Variants in CD300E observed in about 807,000 individuals in gnomAD.
CD300E encodes CD300e molecule.
CD300E carries 14 observed loss-of-function variants against 20.9 expected under a neutral mutation model. That is an observed-to-expected ratio of 0.67 (90% CI 0.44 to 1.05). The LOEUF (loss-of-function observed/expected upper bound fraction) is 1.05. CD300E is among the 50% of genes least tolerant of loss of function. CD300E has a pLI of 0.00. For missense variants in CD300E, 237 were observed against 253.9 expected, an observed-to-expected ratio of 0.93 and a Z score of 0.45; for synonymous variants, 102 against 103.7, an observed-to-expected ratio of 0.98 and a Z score of 0.10.
Position 74,611,429 on chromosome 17 carries a change from T to G in CD300E, c.*1224A>C, listed in dbSNP as rs1045966279. 5 of 152,364 alleles carry G rather than the reference T, an allele frequency of 3.3e-5. No homozygotes were observed. The highest frequency in any genetic ancestry group is 1.2e-4 in the African/African-American group (5 of 41,454). 9.4% of individuals were successfully genotyped at this position (152,364 alleles called of 1,614,324 possible). ...TGTAGGTAGCAAGTGGAGATGGTGA[T>G]GCTTGCTTGTGGCAGACTGTGGGAG... On this transcript the variant is annotated 3_prime_UTR_variant, in exon 4 of 4. Transcript: ENST00000392619.
chr17:74,611,531 G>C lies in CD300E; in HGVS notation c.*1122C>G, dbSNP rs1202749267. 1.3e-5 allele frequency: 2 copies of C among 152,268 alleles called. No homozygotes were observed. The highest frequency in any genetic ancestry group is 2.9e-5 in the Non-Finnish European group (2 of 68,066). 9.4% of individuals were successfully genotyped at this position (152,268 alleles called of 1,614,324 possible). ...CCAACTGAGCTCATTCCCGAGCCAG[G>C]GGTCACCAGTAGTGGTGATAGCACT... is the stretch of plus-strand genomic sequence containing the variant. On this transcript the variant is annotated 3_prime_UTR_variant, in exon 4 of 4. Coordinates refer to ENST00000392619, the MANE Select transcript of CD300E (RefSeq NM_181449.3).
chr17:74,614,078 G>T, intron 2 of CD300E, 45 bp from the exon 3 acceptor site: 2 of 1,428,164 alleles, frequency 1.4e-6, no homozygotes, highest in Non-Finnish European at 2.0e-6. Flanking sequence ...TGGGCTCCCA[G>T]CCATGCACAG....
chr17:74,613,265 G>A (rs1217522439), intron 3 of CD300E, among the ~76,000 whole-genome samples: 1 of 152,176 alleles, frequency 6.6e-6, no homozygotes, highest in East Asian at 1.9e-4. Flanking sequence ...ACCACACCTG[G>A]CTAATTTTGT....
rs2030923950 is a variant in CD300E, at chr17:74,617,295, C to T, written c.211G>A (p.Glu71Lys). Residue 71 changes from glutamate to lysine, a missense_variant, in exon 2 of 4, where the codon GAG becomes AAG. Coordinates refer to ENST00000392619, the MANE Select transcript of CD300E (RefSeq NM_181449.3). The part of the protein sequence containing the change: ...IVETKGEEKV[E>K]RNGRVSIRDH... Reference sequence around the variant, plus strand: ...CTGATGGACACGCGGCCATTCCTCTCCACCTTCTCTTCTCCCTTGGTCTCC... The same window carrying T: ...CTGATGGACACGCGGCCATTCCTCTTCACCTTCTCTTCTCCCTTGGTCTCC... The T allele has an allele frequency of 6.2e-7, 1 of 1,614,212 alleles. No individual in the cohort carries two copies. The highest frequency in any genetic ancestry group is 1.1e-5 in the South Asian group (1 of 91,084).
In CD300E at chr17:74,612,386, C is replaced by T. The variant is rs1321010996; in HGVS notation, c.*267G>A. On this transcript the variant is annotated 3_prime_UTR_variant, in exon 4 of 4. Transcript: ENST00000392619. Reference sequence around the variant, plus strand: ...GATTATAGGCACTCGCTATGGTGCCCGGCCAACTTCCAGGGAATTCTTGCC... The same window carrying T: ...GATTATAGGCACTCGCTATGGTGCCTGGCCAACTTCCAGGGAATTCTTGCC... 4 of 305,072 alleles carry T rather than the reference C, an allele frequency of 1.3e-5. No homozygotes were observed. Among genetic ancestry groups the T allele is most frequent in the Admixed American group, 4.5e-5 (1 of 22,296 alleles). The allele number at this position is 305,072 out of a possible 1,614,324, so 18.9% of individuals were successfully genotyped here.
chr17:74,621,443 T>C (rs60487698), intron 1 of CD300E, among the ~76,000 whole-genome samples: 1,540 of 152,334 alleles, frequency 0.01, 23 homozygotes, highest in African/African-American at 0.034. Context: ...AAAAGAAGGT[T>C]ATGCTAATTC....
At position 74,612,727 on chromosome 17, in the gene CD300E, G is replaced by T. The variant is rs947585061; in HGVS notation, c.544C>A (p.Leu182Met). The change falls in exon 4 of 4, where the codon CTG (leucine) becomes ATG (methionine). Residue 182 changes from leucine to methionine, a missense_variant. Transcript: ENST00000392619. ...CCCAGCATGCTCAGGAGCAGGGGCAGCTTCAGAAGGACCACGAGCAGGAAG... is the reference window on the plus strand; with the variant it reads ...CCCAGCATGCTCAGGAGCAGGGGCATCTTCAGAAGGACCACGAGCAGGAAG... ...PHFLLVVLLK[L>M]PLLLSMLGAV... The T allele has an allele frequency of 6.2e-7, 1 of 1,614,038 alleles. No individual in the cohort carries two copies. Among genetic ancestry groups the T allele is most frequent in the Non-Finnish European group, 8.5e-7 (1 of 1,179,990 alleles).
chr17:74,616,967 T>A, intron 2 of CD300E, 151 bp downstream of exon 2: 1 of 701,124 alleles, frequency 1.4e-6, no homozygotes, highest in Non-Finnish European at 2.4e-6. Flanking sequence ...ATCAGCCGCC[T>A]CTCTCCATGC....
rs763906744 is a variant in CD300E, at chr17:74,612,505, C to G, written c.*148G>C. The G allele has an allele frequency of 2.0e-5, 23 of 1,129,788 alleles. No homozygotes were observed. Among genetic ancestry groups the G allele is most frequent in the Non-Finnish European group, 2.7e-5 (22 of 801,478 alleles). 70.0% of individuals were successfully genotyped at this position (1,129,788 alleles called of 1,614,324 possible). A position where few individuals can be genotyped will look rare whatever the true frequency, so the allele number is the denominator to read the frequency against. On this transcript the variant is annotated 3_prime_UTR_variant, in exon 4 of 4. Coordinates refer to ENST00000392619, the MANE Select transcript of CD300E (RefSeq NM_181449.3). ...ACATTGAGGACTCCAGAGGAGTGTCCTCTAAGAGCCAGGACCCTCCTTTGA... is the reference window on the plus strand; with the variant it reads ...ACATTGAGGACTCCAGAGGAGTGTCGTCTAAGAGCCAGGACCCTCCTTTGA...
chr17:74,623,611 A>G lies in CD300E; in HGVS notation c.11T>C (p.Leu4Pro). The G allele has an allele frequency of 6.2e-7, 1 of 1,614,200 alleles. No homozygotes were observed. Among genetic ancestry groups the G allele is most frequent in the South Asian group, 1.1e-5 (1 of 91,082 alleles). The change falls in exon 1 of 4, where the codon CTC becomes CCC. Residue 4 changes from leucine to proline, a missense_variant. Physicochemically the swap from Leu to Pro is moderately conservative, Grantham distance 98 (BLOSUM62 -3). Transcript: ENST00000392619. MWL[L>P]PALLLLCLSG... ...GAGGCAGAGAAGGAGTAGAGCTGGG[A>G]GCAGCCACATGTTCCTGTCTCCTTG... is the stretch of plus-strand genomic sequence containing the variant.
chr17:74,623,630 C>T lies in CD300E; in HGVS notation c.-9G>A. On this transcript the variant is annotated 5_prime_UTR_variant, in exon 1 of 4. Transcript: ENST00000392619. ...GCTGGGAGCAGCCACATGTTCCTGT[C>T]TCCTTGGCTTCCGTCCTCAGCAAAT... 13 of 1,614,206 alleles carry T rather than the reference C, an allele frequency of 8.1e-6. No homozygotes were observed. Among genetic ancestry groups the T allele is most frequent in the Non-Finnish European group, 1.1e-5 (13 of 1,180,022 alleles).
chr17:74,611,239 C>T lies in CD300E; in HGVS notation c.*1414G>A, dbSNP rs763996896. The T allele has an allele frequency of 6.6e-6, 1 of 152,276 alleles. No homozygotes were observed. Among genetic ancestry groups the T allele is most frequent in the African/African-American group, 2.4e-5 (1 of 41,464 alleles). 9.4% of individuals were successfully genotyped at this position (152,276 alleles called of 1,614,324 possible). On this transcript the variant is annotated 3_prime_UTR_variant, in exon 4 of 4. Transcript: ENST00000392619. ...GCCAGCCCCATCTTTCCCCTAGTCA[C>T]CATGCATGATGGAGCTGGGAGCCCC...
Position 74,612,762 on chromosome 17 carries a change from C to G in CD300E, c.509G>C (p.Ser170Thr). ...GACCACGAGCAGGAAGTGAGGGCTG[C>G]TGAGCCGGAACCTGTGGTGGACACG... The part of the protein sequence containing the change: ...VLTQNSGFRL[S>T]SPHFLLVVLL... The change falls in exon 4 of 4, where the codon AGC (serine) becomes ACC (threonine). Residue 170 changes from serine to threonine, a missense_variant. Physicochemically the swap from Ser to Thr is moderately conservative, Grantham distance 58. Coordinates refer to ENST00000392619, the MANE Select transcript of CD300E (RefSeq NM_181449.3). The G allele has an allele frequency of 6.2e-7, 1 of 1,613,818 alleles. No individual in the cohort carries two copies. The highest frequency in any genetic ancestry group is 1.1e-5 in the South Asian group (1 of 91,082).
intron 1 of CD300E, among the ~76,000 whole-genome samples, chr17:74,623,196 TG>T (rs1158618068): frequency 6.6e-6 from 1 of 152,250 alleles, no homozygotes. Context: ...TCCTGCAGGA[TG>T]GACTTCCAAT....
At position 74,612,451 on chromosome 17, in the gene CD300E, G is replaced by C; in HGVS notation, c.*202C>G. On this transcript the variant is annotated 3_prime_UTR_variant, in exon 4 of 4. Transcript: ENST00000392619. ...ATGAGGGCAGGGAGGCAGGGGACTGGGGAGGAGAAAGGAGGACCCCCAAGC... is the reference window on the plus strand; with the variant it reads ...ATGAGGGCAGGGAGGCAGGGGACTGCGGAGGAGAAAGGAGGACCCCCAAGC... 1 of 532,964 alleles carries C rather than the reference G, an allele frequency of 1.9e-6. No homozygotes were observed. The highest frequency in any genetic ancestry group is 3.2e-6 in the Non-Finnish European group (1 of 316,102). 33.0% of individuals were successfully genotyped at this position (532,964 alleles called of 1,614,324 possible).
chr17:74,618,041 G>A (rs995974250), intron 1 of CD300E, among the ~76,000 whole-genome samples: 6 of 152,206 alleles, frequency 3.9e-5, no homozygotes, highest in Non-Finnish European at 8.8e-5. Context: ...TGACCCCCCC[G>A]ACAATAGTCC....
chr17:74,613,810 G>T, intron 3 of CD300E, 115 bp downstream of exon 3: 1 of 656,566 alleles, frequency 1.5e-6, no homozygotes, highest in Non-Finnish European at 2.8e-6. Context: ...ATCAGGACCA[G>T]AGATGGAGAG....
chr17:74,617,270 C>A lies in CD300E; in HGVS notation c.236G>T (p.Arg79Ile). The change falls in exon 2 of 4, where the codon AGA becomes ATA. Residue 79 changes from arginine to isoleucine, a missense_variant. Transcript: ENST00000392619. ...GAAGGCGAGAGCCTCCGGGTGGTCT[C>A]TGATGGACACGCGGCCATTCCTCTC... The part of the protein sequence containing the change: ...KVERNGRVSI[R>I]DHPEALAFTV... 6.2e-7 allele frequency: 1 copy of A among 1,614,226 alleles called. No individual in the cohort carries two copies. Among genetic ancestry groups the A allele is most frequent in the Non-Finnish European group, 8.5e-7 (1 of 1,180,046 alleles).
rs767353070 is a variant in CD300E, at chr17:74,610,201, T to C, written c.*2452A>G. 2 of 152,498 alleles carry C rather than the reference T, an allele frequency of 1.3e-5. No homozygotes were observed. The allele number at this position is 152,498 out of a possible 1,614,324, so 9.4% of individuals were successfully genotyped here. ...TCTGCTCTCCTCCTTGAAACATTCA[T>C]GGCTCTTGACTTCTCATCTTCCACC... On this transcript the variant is annotated 3_prime_UTR_variant, in exon 4 of 4. Coordinates refer to ENST00000392619, the MANE Select transcript of CD300E (RefSeq NM_181449.3).
Sources: allele counts gnomAD v4.1 joint callset (sites outside exome capture counted in the v4.1 genomes callset), GRCh38; gene constraint gnomAD v4.1.1; transcripts MANE v1.5; gene names NCBI Gene and HGNC (gene_info 2026-07-23, HGNC 2026-07-21).